The following DTHD1 variants were observed in gnomAD, a reference collection of about 807,000 sequenced individuals.
DTHD1 encodes the protein death domain containing 1, also known as death domain-containing protein 1.
DTHD1 carries 59 observed loss-of-function variants against 74.8 expected under a neutral mutation model. That is an observed-to-expected ratio of 0.79 (90% CI 0.64 to 0.98). DTHD1 has a LOEUF of 0.98. Ranked by LOEUF, DTHD1 falls within the 50% of genes least tolerant of loss-of-function variation. The pLI, the probability that DTHD1 is intolerant of heterozygous loss-of-function variation, is 0.00. For missense variants in DTHD1, 1,051 were observed against 1,065.4 expected (o/e 0.99, Z 0.19); for synonymous variants, 365 against 371.1 (o/e 0.98, Z 0.19).
chr4:36,306,440 T>C (rs1346758288), intron 6 of DTHD1, 88 bp downstream of exon 6: 2 of 1,313,390 alleles, frequency 1.5e-6, no homozygotes, highest in Non-Finnish European at 2.0e-6. Flanking sequence ...TAAGATTAAA[T>C]TTTTATTCTT....
Position 36,294,982 on chromosome 4 carries a change from A to C in DTHD1, c.1586A>C (p.Asp529Ala). 3 of 1,551,272 alleles carry C rather than the reference A, an allele frequency of 1.9e-6. No individual in the cohort carries two copies. Among genetic ancestry groups the C allele is most frequent in the Non-Finnish European group, 1.7e-6 (2 of 1,146,452 alleles). Residue 529 changes from aspartate to alanine, a missense_variant, in exon 5 of 10, where the codon GAT (aspartate) becomes GCT (alanine). Asp to Ala is a moderately radical substitution (Grantham distance 126). Coordinates refer to ENST00000639862, the MANE Select transcript of DTHD1 (RefSeq NM_001170700.3). ...AAAAACAACCTTGGTTCTGAGATAG[A>C]TCATAAAAGAAGAGCAAGTGCCACA... ...LDKNNLGSEI[D>A]HKRRASATIN...
intron 6 of DTHD1, among the ~76,000 whole-genome samples, chr4:36,307,535 A>G (rs1578458355): frequency 6.6e-6 from 1 of 152,240 alleles, no homozygotes; most frequent in African/African-American, 2.4e-5. Context: ...ATTCTGAGGT[A>G]CTAGGGGATA....
chr4:36,305,728 G>A (rs1265410988), intron 5 of DTHD1, among the ~76,000 whole-genome samples: 2 of 152,114 alleles, frequency 1.3e-5, no homozygotes, highest in Non-Finnish European at 2.9e-5. Flanking sequence ...TTGCTCCTGG[G>A]TGTGTGCTCT....
Position 36,284,326 on chromosome 4 carries a change from C to T in DTHD1, c.622C>T (p.Gln208Ter), listed in dbSNP as rs1755575574. 1 of 1,536,948 alleles carries T rather than the reference C, an allele frequency of 6.5e-7. No individual in the cohort carries two copies. The highest frequency in any genetic ancestry group is 8.7e-7 in the Non-Finnish European group (1 of 1,146,842). ...NGRVLGQEES[Q>*]NKMFPDNAEN... is the part of the protein sequence containing the mutation. ...ACGTGTACTGGGGCAAGAAGAGTCA[C>T]AGAATAAAATGTTCCCAGATAATGC... Residue 208 changes from glutamine to a stop codon, truncating the protein, a stop_gained, in exon 2 of 10, where the codon CAG (glutamine) becomes TAG (stop). Transcript: ENST00000639862. LOFTEE classifies it high-confidence loss of function.
At chr4:36,293,451 A>G in intron 3 of DTHD1, 75 bp from the exon 4 acceptor site, 1 of 1,218,654 alleles carries the variant, frequency 8.2e-7, no homozygotes, top group Middle Eastern at 2.2e-4. Flanking sequence ...TTTTTTGACA[A>G]TCCATAGAGT....
chr4:36,308,365 A>T lies in DTHD1; in HGVS notation c.1967A>T (p.Asp656Val). The change falls in exon 7 of 10, where the codon GAT (aspartate) becomes GTT (valine). Residue 656 changes from aspartate (D) to valine (V), a missense_variant. Transcript: ENST00000639862. ...GCTGTTTTAGTGGTGCCTTCCAAAG[A>T]TTTAAGCCAGGTGCTTAAGGACCTG... is the stretch of plus-strand genomic sequence containing the variant. ...RIAVLVVPSK[D>V]LSQVLKDLHL... 6.4e-7 allele frequency: 1 copy of T among 1,551,836 alleles called. No homozygotes were observed. Among genetic ancestry groups the T allele is most frequent in the Non-Finnish European group, 8.7e-7 (1 of 1,147,016 alleles).
At chr4:36,318,971 G>T (rs927148071) in intron 8 of DTHD1, among the ~76,000 whole-genome samples, 1 of 152,056 alleles carries the variant, frequency 6.6e-6, no homozygotes, top group African/African-American at 2.4e-5. Flanking sequence ...CGTTACTTAC[G>T]CATGCGGCAA....
chr4:36,292,145 T>C (rs575762549), intron 3 of DTHD1, among the ~76,000 whole-genome samples: 1 of 152,328 alleles, frequency 6.6e-6, no homozygotes, highest in Admixed American at 6.5e-5. Flanking sequence ...ATATTTAGTA[T>C]CAGAAGTTTA....
chr4:36,334,790 A>G (rs1420335041), intron 8 of DTHD1, among the ~76,000 whole-genome samples: 1 of 152,242 alleles, frequency 6.6e-6, no homozygotes, highest in East Asian at 1.9e-4. Flanking sequence ...GGTGGAAGTA[A>G]TCTTCATGGA....
chr4:36,336,178 C>T (rs1459034587), intron 8 of DTHD1, among the ~76,000 whole-genome samples: 1 of 152,204 alleles, frequency 6.6e-6, no homozygotes, highest in Non-Finnish European at 1.5e-5. Context: ...GCTGGAGAGT[C>T]ACCTTTAAAT....
chr4:36,343,730 T>C lies in DTHD1; in HGVS notation c.2627T>C (p.Ile876Thr), dbSNP rs1759453247. The C allele has an allele frequency of 2.6e-6, 4 of 1,551,378 alleles. No homozygotes were observed. Among genetic ancestry groups the C allele is most frequent in the East Asian group, 2.4e-5 (1 of 40,908 alleles). The change falls in exon 10 of 10, where the codon ATT becomes ACT. Residue 876 changes from isoleucine (I) to threonine (T), a missense_variant. Physicochemically the swap from Ile to Thr is moderately conservative, Grantham distance 89. Coordinates refer to ENST00000639862, the MANE Select transcript of DTHD1 (RefSeq NM_001170700.3). ...CTCCTGGCTCGACATCTCCGCAAGATTGGCAGGAGTGATCTTGCAGAAGAG... is the reference window on the plus strand; with the variant it reads ...CTCCTGGCTCGACATCTCCGCAAGACTGGCAGGAGTGATCTTGCAGAAGAG... ...LRLLARHLRK[I>T]GRSDLAEELK...
chr4:36,342,745 G>A (rs986400625), intron 9 of DTHD1, among the ~76,000 whole-genome samples: 3 of 151,686 alleles, frequency 2.0e-5, no homozygotes, highest in Non-Finnish European at 4.4e-5. Context: ...TACTAATAAG[G>A]AGAAATAGGT....
Position 36,293,530 on chromosome 4 carries a change from C to T in DTHD1, c.1223C>T (p.Thr408Ile). Residue 408 changes from threonine (T) to isoleucine (I), a missense_variant, in exon 4 of 10, where the codon ACC (threonine) becomes ATC (isoleucine). Thr to Ile is a moderately conservative substitution (Grantham distance 89). Coordinates refer to ENST00000639862, the MANE Select transcript of DTHD1 (RefSeq NM_001170700.3). ...AATGTTCTTTATTCTATACAGGGGA[C>T]CTGTGCTTCAGTAAAAGTTTACAAA... ...LEGMKGGYKG[T>I]CASVKVYKLG... 2 of 1,537,340 alleles carry T rather than the reference C, an allele frequency of 1.3e-6. No homozygotes were observed. The highest frequency in any genetic ancestry group is 1.2e-5 in the South Asian group (1 of 82,352).
chr4:36,288,425 T>C (rs1318698384), intron 2 of DTHD1, among the ~76,000 whole-genome samples: 1 of 152,210 alleles, frequency 6.6e-6, no homozygotes, highest in Non-Finnish European at 1.5e-5. Flanking sequence ...GAACTTTTTT[T>C]GGTTTCAGGT....
intron 8 of DTHD1, chr4:36,333,914 G>A (rs1758847793): frequency 6.6e-6 from 1 of 152,222 alleles, no homozygotes; most frequent in South Asian, 2.1e-4. Flanking sequence ...TTCTGCATGA[G>A]ATGATGGGCC....
chr4:36,334,032 A>G (rs1758854977), intron 8 of DTHD1: 1 of 152,212 alleles, frequency 6.6e-6, no homozygotes, highest in Non-Finnish European at 1.5e-5. Context: ...AAGGTGAAGC[A>G]ATCTGAAGTT....
chr4:36,325,036 C>G (rs570743695), intron 8 of DTHD1, among the ~76,000 whole-genome samples: 6 of 151,988 alleles, frequency 3.9e-5, no homozygotes, highest in Non-Finnish European at 5.9e-5. Flanking sequence ...AGACGTGTTC[C>G]GAGAAAGGAT....
intron 8 of DTHD1, among the ~76,000 whole-genome samples, chr4:36,318,615 T>TC (rs1364133710): frequency 4.3e-5 from 6 of 139,264 alleles, no homozygotes; most frequent in South Asian, 2.4e-4. Flanking sequence ...TTCTTTTCTT[T>TC]TTTTTTTTTT....
At chr4:36,342,596 G>A (rs1759376209) in intron 9 of DTHD1, among the ~76,000 whole-genome samples, 1 of 152,100 alleles carries the variant, frequency 6.6e-6, no homozygotes, top group Non-Finnish European at 1.5e-5. Flanking sequence ...AAGTGTTGGT[G>A]TAAAGGATCT....
Sources: gnomAD v4.1 joint callset for allele counts (sites outside exome capture counted in the v4.1 genomes callset) on GRCh38, gnomAD v4.1.1 for gene constraint, MANE v1.5 for transcripts, NCBI Gene and HGNC (gene_info 2026-07-23, HGNC 2026-07-21) for gene names.